Variants in WWOX observed in about 807,000 individuals in gnomAD.
WWOX encodes the protein WW domain-containing oxidoreductase.
In WWOX, 69 loss-of-function variants were observed where a neutral mutation model predicts 46.2. That is an observed-to-expected ratio of 1.49 (90% CI 1.23 to 1.82). The LOEUF is 1.82. WWOX is among the 40% of genes most tolerant of loss of function. The pLI, the probability that WWOX is intolerant of heterozygous loss-of-function variation, is 0.00. For synonymous variants in WWOX, 359 were observed against 202.6 expected (o/e 1.77, Z -6.56); for missense variants, 919 against 542.6 (o/e 1.69, Z -6.89).
intron 8 of WWOX, among the ~76,000 whole-genome samples, chr16:78,940,265 T>A (rs12599133): frequency 0.69 from 104,982 of 152,042 alleles, 37,058 homozygotes; most frequent in African/African-American, 0.85. Context: ...TATTTTGTAT[T>A]AAATAACCTC....
intron 8 of WWOX, among the ~76,000 whole-genome samples, chr16:78,648,480 G>C (rs2046895175): frequency 6.6e-6 from 1 of 152,174 alleles, no homozygotes. Context: ...GATACACATG[G>C]ACAATGGCCA....
At chr16:78,546,434 A>T (rs1356822497) in intron 8 of WWOX, among the ~76,000 whole-genome samples, 3 of 152,172 alleles carry the variant, frequency 2.0e-5, no homozygotes, top group Non-Finnish European at 4.4e-5. Flanking sequence ...AGGGCAAGAG[A>T]TTGTTCAAAA....
intron 4 of WWOX, among the ~76,000 whole-genome samples, chr16:78,128,186 A>G (rs904865166): frequency 2.0e-5 from 3 of 151,946 alleles, no homozygotes; most frequent in African/African-American, 7.3e-5. Flanking sequence ...AGAGCTCTTG[A>G]CTTTTTTTTT....
rs1289837335 is a variant in WWOX, at chr16:78,500,375, G to T, written c.1056+67623G>T. Among the ~76,000 whole-genome samples, 6 of 149,066 alleles carry T rather than the reference G, an allele frequency of 4.0e-5. No homozygotes were observed. In the East Asian group the frequency reaches 1.2e-3, roughly 30 times the overall value. On this transcript the variant is annotated intron_variant, in intron 8 of 8. Coordinates refer to ENST00000566780, the MANE Select transcript of WWOX (RefSeq NM_016373.4). Reference sequence around the variant, plus strand: ...TGCACAAAATACAGCCAACATTTTTGCATTTCTTTCTTCCTTCCTCCTTTT... The same window carrying T: ...TGCACAAAATACAGCCAACATTTTTTCATTTCTTTCTTCCTTCCTCCTTTT...
intron 5 of WWOX, among the ~76,000 whole-genome samples, chr16:78,231,993 G>C (rs1159692617): frequency 2.0e-5 from 3 of 152,054 alleles, no homozygotes; most frequent in African/African-American, 7.2e-5. Flanking sequence ...CCTTTACTAA[G>C]TTCCAAGGAT....
chr16:78,972,958 G>A (rs1263534527), intron 8 of WWOX, among the ~76,000 whole-genome samples: 1 of 152,178 alleles, frequency 6.6e-6, no homozygotes, highest in Non-Finnish European at 1.5e-5. Flanking sequence ...CTGCAGGTAA[G>A]GCAAGAGGCC....
At chr16:78,483,072 G>C (rs771240926) in intron 8 of WWOX, among the ~76,000 whole-genome samples, 1 of 152,126 alleles carries the variant, frequency 6.6e-6, no homozygotes, top group Non-Finnish European at 1.5e-5. Context: ...CCTACCTTTT[G>C]TTGGCTTCAA....
At chr16:78,696,812 T>A (rs2048109637) in intron 8 of WWOX, among the ~76,000 whole-genome samples, 1 of 151,914 alleles carries the variant, frequency 6.6e-6, no homozygotes, top group Non-Finnish European at 1.5e-5. Context: ...TGCCTCACCC[T>A]TTTACCACTC....
intron 8 of WWOX, among the ~76,000 whole-genome samples, chr16:79,208,574 T>C (rs1279213236): frequency 6.6e-6 from 1 of 152,158 alleles, no homozygotes; most frequent in South Asian, 2.1e-4. Context: ...TATGAACTGA[T>C]GCCCCAAAAG....
chr16:78,871,484 A>C (rs761992130), intron 8 of WWOX, among the ~76,000 whole-genome samples: 6 of 152,226 alleles, frequency 3.9e-5, no homozygotes, highest in Non-Finnish European at 7.3e-5. Flanking sequence ...GGGTGGTCAG[A>C]AATGAGTCCT....
At chr16:78,956,957 C>A (rs925769586) in intron 8 of WWOX, among the ~76,000 whole-genome samples, 14 of 152,160 alleles carry the variant, frequency 9.2e-5, no homozygotes, top group Non-Finnish European at 2.1e-4. Flanking sequence ...GCAGTCCCTC[C>A]CAGTACGTGG....
chr16:79,156,316 A>G (rs1472410067), intron 8 of WWOX, among the ~76,000 whole-genome samples: 1 of 152,120 alleles, frequency 6.6e-6, no homozygotes, highest in East Asian at 1.9e-4. Flanking sequence ...GCGCACCAAC[A>G]CACTTGGCTA....
chr16:78,192,168 C>T (rs1020184758), intron 5 of WWOX, among the ~76,000 whole-genome samples: 1 of 152,008 alleles, frequency 6.6e-6, no homozygotes, highest in Non-Finnish European at 1.5e-5. Context: ...ATAAGTACCC[C>T]CTTAATCTGA....
chr16:78,383,506 G>C (rs180902590), intron 5 of WWOX, among the ~76,000 whole-genome samples: 1 of 152,246 alleles, frequency 6.6e-6, no homozygotes, highest in East Asian at 1.9e-4. Context: ...CGAGTCTCTT[G>C]TCCTCGCCTA....
chr16:78,105,295 C>T (rs753433568), intron 1 of WWOX, among the ~76,000 whole-genome samples: 9 of 152,134 alleles, frequency 5.9e-5, no homozygotes, highest in Non-Finnish European at 1.3e-4. Context: ...AACCCCATCT[C>T]TACTAAAAAT....
intron 6 of WWOX, among the ~76,000 whole-genome samples, chr16:78,399,568 C>G (rs935250743): frequency 2.6e-5 from 4 of 152,178 alleles, no homozygotes; most frequent in African/African-American, 9.7e-5. Context: ...GCTCTTTGAC[C>G]TGCAGTGAGA....
intron 8 of WWOX, among the ~76,000 whole-genome samples, chr16:78,816,502 C>CT (rs55814418): frequency 0.017 from 714 of 42,066 alleles, 141 homozygotes; most frequent in East Asian, 0.034. Context: ...AGGAGCCACT[C>CT]TTTTTTTTTT....
At chr16:79,107,387 C>G (rs1286264599) in intron 8 of WWOX, among the ~76,000 whole-genome samples, 1 of 152,174 alleles carries the variant, frequency 6.6e-6, no homozygotes, top group East Asian at 1.9e-4. Flanking sequence ...CGCGCCCAGC[C>G]CAAAATGACT....
chr16:78,946,134 C>G (rs962031548), intron 8 of WWOX, among the ~76,000 whole-genome samples: 2 of 152,088 alleles, frequency 1.3e-5, no homozygotes, highest in Non-Finnish European at 2.9e-5. Context: ...TACTTTAATT[C>G]CCCCTACAAG....
Sources: gnomAD v4.1 joint callset for allele counts (sites outside exome capture counted in the v4.1 genomes callset) on GRCh38, gnomAD v4.1.1 for gene constraint, MANE v1.5 for transcripts, NCBI Gene and HGNC (gene_info 2026-07-23, HGNC 2026-07-21) for gene names.